DDX60L: variants seen among roughly 807,000 people sequenced by gnomAD.
DDX60L encodes DExD/H-box 60 like.
A neutral mutation model predicts 211.6 loss-of-function variants in DDX60L; 191 were observed. That is an observed-to-expected ratio of 0.90 (90% CI 0.80 to 1.02). DDX60L has a LOEUF of 1.02. Ranked by LOEUF, DDX60L falls within the 50% of genes least tolerant of loss-of-function variation. The pLI, the probability that DDX60L is intolerant of heterozygous loss-of-function variation, is 0.00. For synonymous variants in DDX60L, 706 were observed against 694.1 expected (o/e 1.02, Z -0.27); for missense variants, 2,007 against 1,984.1 (o/e 1.01, Z -0.22).
intron 30 of DDX60L, among the ~76,000 whole-genome samples, chr4:168,382,703 C>CA (rs1168265846): frequency 6.6e-6 from 1 of 151,964 alleles, no homozygotes; most frequent in Admixed American, 6.5e-5. Flanking sequence ...TATTTTTCCA[C>CA]AAAAAATATA....
chr4:168,390,585 T>A, intron 29 of DDX60L: 3 of 943,232 alleles, frequency 3.2e-6, no homozygotes, highest in Non-Finnish European at 4.5e-6. Context: ...ATGATAAAAT[T>A]TATATTTTAT....
At chr4:168,383,440 G>A (rs1743306481) in intron 30 of DDX60L, among the ~76,000 whole-genome samples, 2 of 152,154 alleles carry the variant, frequency 1.3e-5, no homozygotes, top group Non-Finnish European at 2.9e-5. Flanking sequence ...ATTTTTAAAG[G>A]CAAAAGGGGA....
intron 20 of DDX60L, among the ~76,000 whole-genome samples, chr4:168,416,012 C>T (rs1046146804): frequency 6.6e-5 from 10 of 152,132 alleles, no homozygotes; most frequent in South Asian, 2.1e-4. Flanking sequence ...TAGAAGATAA[C>T]GAAAGTATCT....
chr4:168,429,617 T>C (rs1479622584), intron 13 of DDX60L, among the ~76,000 whole-genome samples: 1 of 152,232 alleles, frequency 6.6e-6, no homozygotes, highest in African/African-American at 2.4e-5. Context: ...GCAAGTAAAA[T>C]AACTCATTTG....
chr4:168,462,701 T>C (rs566406069), intron 4 of DDX60L, among the ~76,000 whole-genome samples: 1 of 152,212 alleles, frequency 6.6e-6, no homozygotes, highest in South Asian at 2.1e-4. Context: ...CAAGCCCAGC[T>C]ACTTGGGAGG....
intron 23 of DDX60L, 120 bp downstream of exon 23, chr4:168,406,482 A>T (rs1461416719): frequency 1.5e-6 from 1 of 688,032 alleles, no homozygotes; most frequent in Non-Finnish European, 2.4e-6. Flanking sequence ...TGATTATTTC[A>T]AAATAGCAGC....
chr4:168,450,799 A>G (rs985660852), intron 8 of DDX60L, among the ~76,000 whole-genome samples: 17 of 152,146 alleles, frequency 1.1e-4, no homozygotes, highest in African/African-American at 3.9e-4. Context: ...CCCATCTATT[A>G]GAGAGGCTGA....
intron 11 of DDX60L, 32 bp from the exon 12 acceptor site, chr4:168,432,602 T>G: frequency 7.4e-7 from 1 of 1,343,900 alleles, no homozygotes; most frequent in Non-Finnish European, 1.0e-6. Flanking sequence ...TTTTTTAAAT[T>G]TTAAGCTTTT....
At chr4:168,384,332 TAAAAATTAGCTGGGC>T (rs1386126602) in intron 30 of DDX60L, among the ~76,000 whole-genome samples, 1 of 151,820 alleles carries the variant, frequency 6.6e-6, no homozygotes, top group Non-Finnish European at 1.5e-5. Context: ...AAAAATAAAA[TAAAAATTAGCTGGGC>T]ATGGTGGTGT....
intron 19 of DDX60L, among the ~76,000 whole-genome samples, chr4:168,417,713 T>C (rs577230013): frequency 3.2e-4 from 49 of 152,210 alleles, no homozygotes; most frequent in Non-Finnish European, 5.7e-4. Context: ...TAGCACAGAG[T>C]AGGTACTCAA....
chr4:168,384,172 T>C (rs528722857), intron 30 of DDX60L, among the ~76,000 whole-genome samples: 1 of 152,268 alleles, frequency 6.6e-6, no homozygotes, highest in South Asian at 2.1e-4. Flanking sequence ...CTTGTGATCA[T>C]GTGAGTTAAT....
chr4:168,394,382 TG>T, intron 28 of DDX60L, 82 bp downstream of exon 28: 1 of 1,102,584 alleles, frequency 9.1e-7, no homozygotes, highest in Non-Finnish European at 1.3e-6. Flanking sequence ...GAAAACCAAC[TG>T]GTATAATTTT....
chr4:168,407,914 G>A (rs1748031549), intron 22 of DDX60L, among the ~76,000 whole-genome samples: 2 of 152,138 alleles, frequency 1.3e-5, no homozygotes, highest in Non-Finnish European at 2.9e-5. Flanking sequence ...AATATAGCAA[G>A]GTTTTCTTTT....
At chr4:168,407,794 A>G (rs1307152418) in intron 22 of DDX60L, among the ~76,000 whole-genome samples, 1 of 152,230 alleles carries the variant, frequency 6.6e-6, no homozygotes, top group Non-Finnish European at 1.5e-5. Flanking sequence ...CTGGGTTCTA[A>G]TCACAGCTCT....
intron 4 of DDX60L, 77 bp downstream of exon 4, chr4:168,471,670 G>T (rs1758794270): frequency 5.0e-6 from 6 of 1,194,756 alleles, no homozygotes; most frequent in Non-Finnish European, 6.8e-6. Flanking sequence ...TTCATTTTAG[G>T]TCAAAGGCTC....
At chr4:168,414,534 A>G (rs1393441698) in intron 22 of DDX60L, among the ~76,000 whole-genome samples, 1 of 152,188 alleles carries the variant, frequency 6.6e-6, no homozygotes, top group Non-Finnish European at 1.5e-5. Flanking sequence ...GGAAATCAGT[A>G]TATCAAAGAG....
chr4:168,384,869 T>C, intron 29 of DDX60L, 57 bp from the exon 30 acceptor site: 1 of 1,507,342 alleles, frequency 6.6e-7, no homozygotes, highest in Non-Finnish European at 9.1e-7. Flanking sequence ...TCCTATGAAG[T>C]CCAAAGATTT....
At chr4:168,426,330 C>A in intron 14 of DDX60L, among the ~76,000 whole-genome samples, 1 of 152,216 alleles carries the variant, frequency 6.6e-6, no homozygotes, top group South Asian at 2.1e-4. Flanking sequence ...GCCCAGTTAA[C>A]AATATAACCA....
At chr4:168,410,939 A>T (rs1311537657) in intron 22 of DDX60L, among the ~76,000 whole-genome samples, 1 of 152,246 alleles carries the variant, frequency 6.6e-6, no homozygotes, top group African/African-American at 2.4e-5. Flanking sequence ...TAAATAGGAA[A>T]GGATAATGTC....
Sources: gnomAD v4.1 joint callset for allele counts (sites outside exome capture counted in the v4.1 genomes callset) on GRCh38, gnomAD v4.1.1 for gene constraint, MANE v1.5 for transcripts, NCBI Gene and HGNC (gene_info 2026-07-23, HGNC 2026-07-21) for gene names.